SLC1A1: variants seen among roughly 807,000 people sequenced by gnomAD.
The protein encoded by SLC1A1 is solute carrier family 1 member 1, also known as excitatory amino acid transporter 3.
SLC1A1 carries 43 observed loss-of-function variants against 53.3 expected under a neutral mutation model. The observed-to-expected ratio is 0.81, with a 90% confidence interval of 0.63 to 1.04. SLC1A1 has a LOEUF of 1.04. SLC1A1 is among the 50% of genes least tolerant of loss of function. The pLI is 0.00. For missense variants in SLC1A1, 748 were observed against 664.9 expected (o/e 1.12, Z -1.37); for synonymous variants, 307 against 243.2 (o/e 1.26, Z -2.44).
chr9:4,514,493 T>C (rs1821099494), intron 1 of SLC1A1, among the ~76,000 whole-genome samples: 1 of 152,150 alleles, frequency 6.6e-6, no homozygotes, highest in East Asian at 1.9e-4. Context: ...CACATGGATC[T>C]TGGAGGAGGT....
At chr9:4,566,154 T>C in intron 5 of SLC1A1, 65 bp downstream of exon 5, 1 of 1,411,590 alleles carries the variant, frequency 7.1e-7, no homozygotes, top group Non-Finnish European at 1.0e-6. Context: ...AAAATGTTTT[T>C]TTCTGCTGTG....
rs955177830 is a variant in SLC1A1 at position 4,556,836 on chromosome 9, T to C, written c.233-4613T>C. On this transcript the variant is annotated intron_variant, in intron 2 of 11. Coordinates refer to ENST00000262352, the MANE Select transcript of SLC1A1 (RefSeq NM_004170.6). This position sits in a 1 kb window ranked among gnomAD's most constrained non-coding sequence, Gnocchi z 4.1. ...GTAAAAAAACACATGTATCATTTAC[T>C]ATATAACCAGATATACAGTTTGCGG... is the stretch of plus-strand genomic sequence containing the variant. Among the ~76,000 whole-genome samples the C allele has an allele frequency of 4.6e-5, 7 of 152,200 alleles. No individual in the cohort carries two copies. Among genetic ancestry groups the C allele is most frequent in the South Asian group, 2.1e-4 (1 of 4,832 alleles).
chr9:4,580,675 A>G (rs915844078), intron 10 of SLC1A1, among the ~76,000 whole-genome samples: 53 of 142,806 alleles, frequency 3.7e-4, no homozygotes, highest in African/African-American at 1.3e-3. Flanking sequence ...GAAGAAAGAC[A>G]ATTGTAGGAT....
intron 6 of SLC1A1, among the ~76,000 whole-genome samples, chr9:4,571,828 A>G (rs1418336260): frequency 6.7e-6 from 1 of 149,648 alleles, no homozygotes; most frequent in African/African-American, 2.6e-5. Context: ...TACTTCCTGC[A>G]TTATTAATTC....
At position 4,585,790 on chromosome 9, in the gene SLC1A1, G is replaced by C; in HGVS notation, c.*232G>C. ...AATTTAAAGGAAAGTTCTATTATCTGGGTTTTAGAAATTCTATAAGAGACA... is the reference window on the plus strand; with the variant it reads ...AATTTAAAGGAAAGTTCTATTATCTCGGTTTTAGAAATTCTATAAGAGACA... On this transcript the variant is annotated 3_prime_UTR_variant, in exon 12 of 12. Coordinates refer to ENST00000262352, the MANE Select transcript of SLC1A1 (RefSeq NM_004170.6). The C allele has an allele frequency of 3.6e-6, 2 of 549,430 alleles. No homozygotes were observed. Among genetic ancestry groups the C allele is most frequent in the East Asian group, 3.2e-5 (1 of 31,514 alleles). The allele number at this position is 549,430 out of a possible 1,614,324, so 34.0% of individuals were successfully genotyped here.
intron 1 of SLC1A1, among the ~76,000 whole-genome samples, chr9:4,536,464 A>G (rs1816677843): frequency 6.6e-6 from 1 of 152,244 alleles, no homozygotes; most frequent in African/African-American, 2.4e-5. Context: ...ACTGGTCATC[A>G]GAGAAATGCA....
intron 2 of SLC1A1, among the ~76,000 whole-genome samples, chr9:4,552,257 T>C (rs1001824260): frequency 5.9e-5 from 9 of 152,286 alleles, no homozygotes; most frequent in Admixed American, 5.2e-4. Flanking sequence ...TAAAATTAAG[T>C]CTTATCTCAG....
intron 1 of SLC1A1, among the ~76,000 whole-genome samples, chr9:4,516,210 CA>C (rs1821156653): frequency 6.6e-6 from 1 of 152,146 alleles, no homozygotes; most frequent in Non-Finnish European, 1.5e-5. Context: ...GGCATCCCTC[CA>C]AGAGACACCA....
rs189762460 is a variant in SLC1A1 at position 4,586,066 on chromosome 9, A to G, written c.*508A>G. ...AAATGTCAATTTTTAACTTATCTCC[A>G]GCCAATTTCAAAGAAAACAGACCAG... On this transcript the variant is annotated 3_prime_UTR_variant, in exon 12 of 12. Coordinates refer to ENST00000262352, the MANE Select transcript of SLC1A1 (RefSeq NM_004170.6). 6 of 180,416 alleles carry G rather than the reference A, an allele frequency of 3.3e-5. No homozygotes were observed. The East Asian group carries it at 6.2e-4, about 19-fold the overall frequency. The allele number at this position is 180,416 out of a possible 1,614,324, so 11.2% of individuals were successfully genotyped here. A position where few individuals can be genotyped will look rare whatever the true frequency, so the allele number is the denominator to read the frequency against.
chr9:4,575,102 C>A (rs1229765241), intron 8 of SLC1A1, among the ~76,000 whole-genome samples: 1 of 152,174 alleles, frequency 6.6e-6, no homozygotes, highest in Non-Finnish European at 1.5e-5. Flanking sequence ...TCTCTTACCC[C>A]AGCTAGGTGT....
In SLC1A1 at chr9:4,563,187, G is replaced by A. The variant is rs75127939; in HGVS notation, c.326-1157G>A. 5.9e-3 allele frequency among the ~76,000 whole-genome samples: 887 copies of A among 151,356 alleles called. 11 individuals carry two copies. Among genetic ancestry groups the A allele is most frequent in the African/African-American group, 0.02 (830 of 41,288 alleles). ...GAATGCCCAGAGGGGGAAGACAGAA[G>A]GAGCATATACTCAGATGTGGCAGCA... On this transcript the variant is annotated intron_variant, in intron 3 of 11. Transcript: ENST00000262352.
intron 10 of SLC1A1, among the ~76,000 whole-genome samples, chr9:4,578,238 G>A (rs117351841): frequency 0.011 from 1,749 of 152,286 alleles, 20 homozygotes; most frequent in Non-Finnish European, 0.018. Flanking sequence ...TATTGGAATC[G>A]CGGCTACATC....
At position 4,540,804 on chromosome 9, in the gene SLC1A1, TG is replaced by T. The variant is rs1292525062; in HGVS notation, c.92-3761del. Among the ~76,000 whole-genome samples the T allele has an allele frequency of 5.3e-5, 8 of 152,352 alleles. No individual in the cohort carries two copies. The East Asian group carries it at 1.5e-3, about 29-fold the overall frequency. ...GCTTCAAAAGCACAGGCAGCTTTCT[TG>T]GAAATGAGATAATGTGATCTCATTT... is the stretch of plus-strand genomic sequence containing the variant. On this transcript the variant is annotated intron_variant, in intron 1 of 11. Transcript: ENST00000262352.
rs963097474 is a variant in SLC1A1 at position 4,500,327 on chromosome 9, G to T, written c.91+9557G>T. 1.8e-4 allele frequency among the ~76,000 whole-genome samples: 27 copies of T among 151,918 alleles called. 1 individual carries two copies. Among genetic ancestry groups the T allele is most frequent in the African/African-American group, 6.5e-4 (27 of 41,354 alleles). On this transcript the variant is annotated intron_variant, in intron 1 of 11. Coordinates refer to ENST00000262352, the MANE Select transcript of SLC1A1 (RefSeq NM_004170.6). The stretch of plus-strand genomic sequence containing the variant: ...TTTTCTATTTTGTTTGTTTTATTTT[G>T]AGACAGAGTCTCACTCTGTCACCCA...
chr9:4,505,036 C>T (rs1820751498), intron 1 of SLC1A1, among the ~76,000 whole-genome samples: 1 of 126,512 alleles, frequency 7.9e-6, no homozygotes, highest in Non-Finnish European at 1.7e-5. Context: ...TGTATGTGTA[C>T]ATATATTTCT....
intron 10 of SLC1A1, among the ~76,000 whole-genome samples, chr9:4,581,981 G>T (rs1364120327): frequency 6.6e-6 from 1 of 152,152 alleles, no homozygotes; most frequent in Non-Finnish European, 1.5e-5. Context: ...GATTCTTCCA[G>T]TTTAAATTGC....
At chr9:4,533,910 C>A (rs1816572863) in intron 1 of SLC1A1, among the ~76,000 whole-genome samples, 1 of 152,138 alleles carries the variant, frequency 6.6e-6, no homozygotes, top group Non-Finnish European at 1.5e-5. Context: ...GAAACTCACT[C>A]AAAACCACTC....
rs1325722112 is a variant in SLC1A1, at chr9:4,549,087, A to C, written c.232+4380A>C. Among the ~76,000 whole-genome samples the C allele has an allele frequency of 6.6e-6, 1 of 152,178 alleles. No homozygotes were observed. Among genetic ancestry groups the C allele is most frequent in the African/African-American group, 2.4e-5 (1 of 41,454 alleles). On this transcript the variant is annotated intron_variant, in intron 2 of 11. Transcript: ENST00000262352. This position sits in a 1 kb window ranked among gnomAD's most constrained non-coding sequence, Gnocchi z 4.1. ...GTCACATTTTCTTTACTACTTCCCAAAATTAAACTATGATGATTGGAGCCT... is the reference window on the plus strand; with the variant it reads ...GTCACATTTTCTTTACTACTTCCCACAATTAAACTATGATGATTGGAGCCT...
rs543027354 is a variant in SLC1A1, at chr9:4,516,312, T to C, written c.91+25542T>C. Among the ~76,000 whole-genome samples, 13 of 152,246 alleles carry C rather than the reference T, an allele frequency of 8.5e-5. No homozygotes were observed. In the South Asian group the frequency reaches 2.5e-3, roughly 29 times the overall value. ...CCTGGCAGATTGCACTCCAGTGTGG[T>C]GAGTTTAATTTGAGCAAGCAGTTGA... On this transcript the variant is annotated intron_variant, in intron 1 of 11. Transcript: ENST00000262352.
Sources: allele counts gnomAD v4.1 joint callset (sites outside exome capture counted in the v4.1 genomes callset), GRCh38; gene constraint gnomAD v4.1.1; non-coding constraint Gnocchi (gnomAD v3.1); transcripts MANE v1.5; gene names NCBI Gene and HGNC (gene_info 2026-07-23, HGNC 2026-07-21).